Variants in PHLPP1 observed in about 807,000 individuals in gnomAD.
PHLPP1 encodes the protein PH domain and leucine rich repeat protein phosphatase 1, also known as PH domain leucine-rich repeat-containing protein phosphatase 1.
In PHLPP1, 42 loss-of-function variants were observed where a neutral mutation model predicts 117.2. The ratio of observed to expected loss-of-function variants is 0.36; its 90% CI spans 0.28 to 0.46. The LOEUF (loss-of-function observed/expected upper bound fraction) is 0.46, where lower values mean the gene tolerates loss of function less well. PHLPP1 is among the 20% of genes least tolerant of loss of function. The probability of loss-of-function intolerance (pLI) is 1.00; values close to 1 mark genes in which losing one functional copy is unlikely to be tolerated. For missense variants in PHLPP1, 2,084 were observed against 2,241.9 expected (o/e 0.93, Z 1.42); for synonymous variants, 1,042 against 970.7 (o/e 1.07, Z -1.37).
rs554997292 is a variant in PHLPP1 at position 62,788,078 on chromosome 18, C to T, written c.1577-41957C>T. 2.9e-4 allele frequency among the ~76,000 whole-genome samples: 44 copies of T among 152,340 alleles called. No individual in the cohort carries two copies. The South Asian group carries it at 3.3e-3, about 11-fold the overall frequency. On this transcript the variant is annotated intron_variant, in intron 1 of 16. Coordinates refer to ENST00000262719, the MANE Select transcript of PHLPP1 (RefSeq NM_194449.4). ...ATGTTATTTGATTTTTTCAATAATA[C>T]ATCAATGAAGACGTTATGCCAATAG...
intron 6 of PHLPP1, among the ~76,000 whole-genome samples, chr18:62,899,329 C>T (rs1439925390): frequency 6.6e-6 from 1 of 152,176 alleles, no homozygotes; most frequent in Non-Finnish European, 1.5e-5. Flanking sequence ...AGCACAGACC[C>T]TTGCATCCCC....
chr18:62,878,666 C>G (rs1362459118), intron 4 of PHLPP1, among the ~76,000 whole-genome samples: 2 of 152,110 alleles, frequency 1.3e-5, no homozygotes, highest in African/African-American at 2.4e-5. Context: ...CTGGTGATGT[C>G]TTTTGGACGT....
chr18:62,938,347 A>G (rs1429159488), intron 10 of PHLPP1, among the ~76,000 whole-genome samples: 4 of 152,186 alleles, frequency 2.6e-5, no homozygotes, highest in African/African-American at 4.8e-5. Flanking sequence ...TTTATTTACT[A>G]AAATTGTTAA....
At position 62,940,417 on chromosome 18, in the gene PHLPP1, T is replaced by C. The variant is rs529346628; in HGVS notation, c.2961-1301T>C. ...TCTCGCTCTGTCGCCCAGGCTGGAG[T>C]ACAGTGGTGCGATCTCCGCTCACTG... is the stretch of plus-strand genomic sequence containing the variant. On this transcript the variant is annotated intron_variant, in intron 10 of 16. Coordinates refer to ENST00000262719, the MANE Select transcript of PHLPP1 (RefSeq NM_194449.4). Among the ~76,000 whole-genome samples, 8 of 130,036 alleles carry C rather than the reference T, an allele frequency of 6.2e-5. No individual in the cohort carries two copies. The East Asian group carries it at 1.8e-3, about 30-fold the overall frequency. The allele number at this position is 130,036 out of a possible 152,430, so 85.3% of individuals were successfully genotyped here.
At chr18:62,785,935 T>G (rs578214106) in intron 1 of PHLPP1, among the ~76,000 whole-genome samples, 61 of 152,336 alleles carry the variant, frequency 4.0e-4, no homozygotes, top group African/African-American at 1.4e-3. Context: ...TAATCATAGG[T>G]AGATACACAT....
chr18:62,875,109 C>T (rs1916015503), intron 4 of PHLPP1, among the ~76,000 whole-genome samples: 2 of 152,074 alleles, frequency 1.3e-5, no homozygotes, highest in Admixed American at 6.5e-5. Context: ...TGCGTGCCAC[C>T]ACTCCTGGCT....
At chr18:62,740,081 T>C (rs1169780484) in intron 1 of PHLPP1, among the ~76,000 whole-genome samples, 2 of 146,096 alleles carry the variant, frequency 1.4e-5, no homozygotes, top group African/African-American at 5.0e-5. Flanking sequence ...AATGCTTGCA[T>C]TGGGTAGGTT....
At chr18:62,829,778 TAAAAC>T (rs1281142364) in intron 1 of PHLPP1, among the ~76,000 whole-genome samples, 3 of 152,158 alleles carry the variant, frequency 2.0e-5, no homozygotes, top group East Asian at 1.9e-4. Flanking sequence ...AACCTCTAGT[TAAAAC>T]AAAGAGTTAA....
At chr18:62,933,355 A>G (rs78660052) in intron 10 of PHLPP1, among the ~76,000 whole-genome samples, 3,089 of 152,338 alleles carry the variant, frequency 0.02, 52 homozygotes, top group Non-Finnish European at 0.028. Flanking sequence ...CCTGACTTCA[A>G]GGTAATATAC....
At chr18:62,836,432 A>AAAAT (rs370894334) in intron 2 of PHLPP1, among the ~76,000 whole-genome samples, 10 of 136,926 alleles carry the variant, frequency 7.3e-5, no homozygotes, top group African/African-American at 1.6e-4. Context: ...ACTCCATCTA[A>AAAAT]AAATAAATAA....
chr18:62,954,375 A>C (rs1599140123), intron 12 of PHLPP1, among the ~76,000 whole-genome samples: 1 of 152,240 alleles, frequency 6.6e-6, no homozygotes, highest in East Asian at 1.9e-4. Context: ...CTAACCATAG[A>C]GGTACATATA....
chr18:62,886,437 CTAATT>C (rs1568150198), intron 4 of PHLPP1, among the ~76,000 whole-genome samples: 1 of 152,104 alleles, frequency 6.6e-6, no homozygotes, highest in African/African-American at 2.4e-5. Flanking sequence ...CCACACCCAA[CTAATT>C]TAAATTTTTT....
intron 1 of PHLPP1, among the ~76,000 whole-genome samples, chr18:62,751,070 A>AT (rs775313479): frequency 6.6e-5 from 10 of 152,112 alleles, no homozygotes; most frequent in Non-Finnish European, 1.0e-4. Flanking sequence ...GCCACGTTTG[A>AT]TTTTTTCGGT....
intron 4 of PHLPP1, among the ~76,000 whole-genome samples, chr18:62,862,121 C>G (rs1348117386): frequency 6.6e-6 from 1 of 151,366 alleles, no homozygotes; most frequent in Non-Finnish European, 1.5e-5. Context: ...ACTCTGTCGC[C>G]CAGGCTAGAG....
chr18:62,894,349 C>T (rs2144397867), intron 4 of PHLPP1, among the ~76,000 whole-genome samples: 1 of 152,218 alleles, frequency 6.6e-6, no homozygotes, highest in East Asian at 1.9e-4. Context: ...GGGTGCACCA[C>T]CAGGCCCGGC....
At chr18:62,724,250 C>T (rs1911004623) in intron 1 of PHLPP1, among the ~76,000 whole-genome samples, 3 of 152,052 alleles carry the variant, frequency 2.0e-5, no homozygotes, top group African/African-American at 7.2e-5. Flanking sequence ...AGCAAGATGC[C>T]TTCATAGTCT....
At chr18:62,920,687 G>A (rs532355059) in intron 10 of PHLPP1, among the ~76,000 whole-genome samples, 10 of 152,096 alleles carry the variant, frequency 6.6e-5, no homozygotes. Flanking sequence ...AGCCTCCCAA[G>A]TAGCTGGAAC....
chr18:62,954,423 C>T (rs1380242222), intron 12 of PHLPP1, among the ~76,000 whole-genome samples: 1 of 152,120 alleles, frequency 6.6e-6, no homozygotes, highest in Non-Finnish European at 1.5e-5. Flanking sequence ...TCCAGTTTCA[C>T]TCAAATATTT....
At chr18:62,776,770 C>T (rs113242962) in intron 1 of PHLPP1, among the ~76,000 whole-genome samples, 9,190 of 152,010 alleles carry the variant, frequency 0.06, 373 homozygotes, top group Middle Eastern at 0.097. Context: ...CCACCACACC[C>T]GGCTAATTTT....
Sources: allele counts gnomAD v4.1 joint callset (sites outside exome capture counted in the v4.1 genomes callset), GRCh38; gene constraint gnomAD v4.1.1; transcripts MANE v1.5; gene names NCBI Gene and HGNC (gene_info 2026-07-23, HGNC 2026-07-21).